Variants in CELF2 observed in about 807,000 individuals in gnomAD.
CELF2 encodes the protein CUG triplet repeat RNA-binding protein 2.
In CELF2, 8 loss-of-function variants were observed where a neutral mutation model predicts 62.6. The ratio of observed to expected loss-of-function variants is 0.13; its 90% CI spans 0.07 to 0.23. The LOEUF is 0.23. Ranked by LOEUF, CELF2 falls within the 10% of genes least tolerant of loss-of-function variation. The pLI is 1.00. For synonymous variants in CELF2, 258 were observed against 250.0 expected, an observed-to-expected ratio of 1.03 and a Z score of -0.30; for missense variants, 333 against 671.0, an observed-to-expected ratio of 0.50 and a Z score of 5.56.
chr10:10,599,730 T>TTC, the CELF2 span, among the ~76,000 whole-genome samples: 2 of 150,210 alleles, frequency 1.3e-5, no homozygotes, highest in African/African-American at 4.9e-5. Flanking sequence ...TCTTTCTTTT[T>TTC]TTTTTTTTTT....
At chr10:10,541,640 A>G in the CELF2 span, among the ~76,000 whole-genome samples, 1 of 152,318 alleles carries the variant, frequency 6.6e-6, no homozygotes, top group Non-Finnish European at 1.5e-5. Flanking sequence ...GTAAACTGTC[A>G]TGGTGCTGAT....
At chr10:11,233,738 C>T (rs180956367) in intron 3 of CELF2, among the ~76,000 whole-genome samples, 49 of 152,268 alleles carry the variant, frequency 3.2e-4, no homozygotes, top group African/African-American at 9.4e-4. Context: ...GTGAAGATAC[C>T]GGGATGCTAC....
rs1362280697 is a variant in CELF2 at position 11,246,437 on chromosome 10, A to C, written c.355-2716A>C. Among the ~76,000 whole-genome samples the C allele has an allele frequency of 6.6e-6, 1 of 152,138 alleles. No homozygotes were observed. The highest frequency in any genetic ancestry group is 6.5e-5 in the Admixed American group (1 of 15,280). Reference sequence around the variant, plus strand: ...CCCTTTGCAGGTGACCTCAAAATAGAAGAAGCCCTCATTCACCCTATCTAC... The same window carrying C: ...CCCTTTGCAGGTGACCTCAAAATAGCAGAAGCCCTCATTCACCCTATCTAC... On this transcript the variant is annotated intron_variant, in intron 3 of 12. Coordinates refer to ENST00000633077, the MANE Select transcript of CELF2 (RefSeq NM_001326342.2). This position sits in a 1 kb window ranked among gnomAD's most constrained non-coding sequence, Gnocchi z 4.6.
At chr10:10,686,539 G>A in the CELF2 span, among the ~76,000 whole-genome samples, 381 of 152,214 alleles carry the variant, frequency 2.5e-3, no homozygotes, top group Non-Finnish European at 4.4e-3. Flanking sequence ...GGTGGGACCA[G>A]GTGGACAAAA....
Position 11,271,542 on chromosome 10 carries a change from C to T in CELF2, c.777+718C>T, listed in dbSNP as rs138170333. On this transcript the variant is annotated intron_variant, in intron 7 of 12. Coordinates refer to ENST00000633077, the MANE Select transcript of CELF2 (RefSeq NM_001326342.2). ...GCGTTTGTAGTAACCATGGCAGATG[C>T]GGGCTGGAAGGCAGCCAGTACTCCA... Among the ~76,000 whole-genome samples, 228 of 152,300 alleles carry T rather than the reference C, an allele frequency of 1.5e-3. 1 individual carries two copies. Among genetic ancestry groups the T allele is most frequent in the African/African-American group, 5.4e-3 (224 of 41,558 alleles).
chr10:10,937,549 C>T (rs1466111529), intron 2 of CELF2: 1 of 152,158 alleles, frequency 6.6e-6, no homozygotes, highest in Non-Finnish European at 1.5e-5. Flanking sequence ...TACTATAAAA[C>T]AGCTGTGGAA....
At chr10:11,308,321 T>C (rs758044515) in intron 9 of CELF2, among the ~76,000 whole-genome samples, 3 of 152,260 alleles carry the variant, frequency 2.0e-5, no homozygotes, top group Non-Finnish European at 4.4e-5. Context: ...TGGGAAATTA[T>C]CAGCCATTAT....
chr10:11,102,890 T>G (rs1019614880), intron 1 of CELF2, among the ~76,000 whole-genome samples: 2 of 152,082 alleles, frequency 1.3e-5, no homozygotes, highest in Non-Finnish European at 2.9e-5. Flanking sequence ...ATTTAAAAAT[T>G]TTCCTTTCTT....
intron 2 of CELF2, among the ~76,000 whole-genome samples, chr10:10,950,535 G>T (rs1024841624): frequency 7.9e-5 from 12 of 152,054 alleles, no homozygotes; most frequent in African/African-American, 2.9e-4. Context: ...CTTTAATAGC[G>T]CCTTATCATG....
the CELF2 span, among the ~76,000 whole-genome samples, chr10:10,627,036 C>T: frequency 1.2e-4 from 18 of 152,220 alleles, no homozygotes; most frequent in East Asian, 3.1e-3. Context: ...TGCTAAGTGG[C>T]TGCTGTAACG....
the CELF2 span, among the ~76,000 whole-genome samples, chr10:10,561,381 CT>C: frequency 6.6e-6 from 1 of 152,260 alleles, no homozygotes; most frequent in South Asian, 2.1e-4. Context: ...CATAGTCATG[CT>C]CCATTTCCTT....
Position 11,267,819 on chromosome 10 carries a change from G to A in CELF2, c.618+1142G>A, listed in dbSNP as rs1229849373. On this transcript the variant is annotated intron_variant, in intron 6 of 12. Transcript: ENST00000633077. This position sits in a 1 kb window ranked among gnomAD's most constrained non-coding sequence, Gnocchi z 4.4. ...AAGGTGGGTGCAAAGGGGGGAAGGA[G>A]TGTGCATGGCATTGTCATTCAGTGT... 2.0e-5 allele frequency among the ~76,000 whole-genome samples: 3 copies of A among 152,176 alleles called. No individual in the cohort carries two copies. The highest frequency in any genetic ancestry group is 7.2e-5 in the African/African-American group (3 of 41,438).
intron 1 of CELF2, among the ~76,000 whole-genome samples, chr10:10,914,409 A>G (rs1271597952): frequency 6.6e-6 from 1 of 152,246 alleles, no homozygotes; most frequent in Non-Finnish European, 1.5e-5. Context: ...TATTGCAGAC[A>G]GCTGATAAAA....
At chr10:11,079,121 G>A (rs2073106547) in intron 1 of CELF2, among the ~76,000 whole-genome samples, 1 of 152,046 alleles carries the variant, frequency 6.6e-6, no homozygotes, top group African/African-American at 2.4e-5. Flanking sequence ...GTTTTAAGGG[G>A]ACTCCTTACA....
chr10:11,230,634 C>T (rs1339980565), intron 3 of CELF2, among the ~76,000 whole-genome samples: 1 of 152,202 alleles, frequency 6.6e-6, no homozygotes, highest in Non-Finnish European at 1.5e-5. Context: ...TGAGGACATG[C>T]TGGTTTTTCC....
chr10:10,715,525 CTT>C, the CELF2 span, among the ~76,000 whole-genome samples: 1 of 152,106 alleles, frequency 6.6e-6, no homozygotes, highest in African/African-American at 2.4e-5. Context: ...AAAGAAAAAA[CTT>C]AAATTATGAT....
chr10:10,582,072 C>G, the CELF2 span, among the ~76,000 whole-genome samples: 2 of 152,042 alleles, frequency 1.3e-5, no homozygotes, highest in African/African-American at 4.8e-5. Context: ...CCTGTCTAGC[C>G]GGAGCAAGAT....
At chr10:11,303,311 G>A (rs931046265) in intron 9 of CELF2, among the ~76,000 whole-genome samples, 2 of 151,880 alleles carry the variant, frequency 1.3e-5, no homozygotes, top group Non-Finnish European at 2.9e-5. Flanking sequence ...CACCCTTCTC[G>A]GGACGCTCTC....
At chr10:11,283,211 C>A (rs1480154519) in intron 8 of CELF2, among the ~76,000 whole-genome samples, 1 of 152,204 alleles carries the variant, frequency 6.6e-6, no homozygotes, top group East Asian at 1.9e-4. Flanking sequence ...CTTTCCTGTG[C>A]TTCTCTACCA....
Sources: allele counts gnomAD v4.1 joint callset (sites outside exome capture counted in the v4.1 genomes callset), GRCh38; gene constraint gnomAD v4.1.1; non-coding constraint Gnocchi (gnomAD v3.1); transcripts MANE v1.5; gene names NCBI Gene and HGNC (gene_info 2026-07-23, HGNC 2026-07-21).